Variants in BMP2K observed in about 807,000 individuals in gnomAD.
BMP2K encodes BMP2 inducible kinase, also known as BMP-2-inducible protein kinase.
A neutral mutation model predicts 116.0 loss-of-function variants in BMP2K; 74 were observed. That is an observed-to-expected ratio of 0.64 (90% CI 0.53 to 0.77). The LOEUF is 0.77. BMP2K is among the 30% of genes least tolerant of loss of function. The pLI, the probability that BMP2K is intolerant of heterozygous loss-of-function variation, is 0.00. For missense variants in BMP2K, 1,365 were observed against 1,403.6 expected, an observed-to-expected ratio of 0.97 and a Z score of 0.44; for synonymous variants, 486 against 502.5, an observed-to-expected ratio of 0.97 and a Z score of 0.44.
intron 1 of BMP2K, among the ~76,000 whole-genome samples, chr4:78,805,895 C>T (rs542960557): frequency 2.9e-4 from 44 of 152,206 alleles, no homozygotes; most frequent in African/African-American, 8.9e-4. Context: ...CACTTGAATC[C>T]GGGAGGCGGA....
intron 3 of BMP2K, 88 bp downstream of exon 3, chr4:78,833,775 T>C: frequency 2.5e-6 from 2 of 789,944 alleles, no homozygotes; most frequent in Non-Finnish European, 4.2e-6. Context: ...GGGTAGCTGC[T>C]AACTAATTCT....
intron 14 of BMP2K, among the ~76,000 whole-genome samples, chr4:78,884,234 G>A (rs1732978620): frequency 6.6e-6 from 1 of 152,108 alleles, no homozygotes; most frequent in Admixed American, 6.6e-5. Context: ...GGCTGAGATT[G>A]GAGGATCGCT....
At chr4:78,827,760 AAAAACAAAAC>A (rs536489013) in intron 2 of BMP2K, among the ~76,000 whole-genome samples, 44 of 151,548 alleles carry the variant, frequency 2.9e-4, no homozygotes, top group African/African-American at 1.1e-3. Flanking sequence ...CCATTACTGT[AAAAACAAAAC>A]AAAACAAAAC....
chr4:78,829,402 G>GTT (rs79345386), intron 2 of BMP2K, among the ~76,000 whole-genome samples: 5 of 133,844 alleles, frequency 3.7e-5, no homozygotes, highest in Non-Finnish European at 6.7e-5. Flanking sequence ...ATAGTTTTTT[G>GTT]TTTTTTTTTT....
chr4:78,895,006 G>C (rs1233579048), intron 15 of BMP2K, among the ~76,000 whole-genome samples: 4 of 152,142 alleles, frequency 2.6e-5, no homozygotes, highest in African/African-American at 7.2e-5. Context: ...TAAGTTTGCT[G>C]TCTTATATGG....
intron 1 of BMP2K, among the ~76,000 whole-genome samples, chr4:78,817,374 T>C (rs1729401421): frequency 6.6e-6 from 1 of 152,176 alleles, no homozygotes; most frequent in African/African-American, 2.4e-5. Context: ...CTTAATTGAC[T>C]ACAAATTTGG....
At position 78,912,122 on chromosome 4, in the gene BMP2K, A is replaced by G; in HGVS notation, c.*89A>G. On this transcript the variant is annotated 3_prime_UTR_variant, in exon 16 of 16. Coordinates refer to ENST00000502613, the MANE Select transcript of BMP2K (RefSeq NM_198892.2). ...TTGAAAGAAAATTTGGTAGCTCTTT[A>G]TAGCATTCATTCTTAAAGATCAGTC... is the stretch of plus-strand genomic sequence containing the variant. 2 of 1,162,856 alleles carry G rather than the reference A, an allele frequency of 1.7e-6. No individual in the cohort carries two copies. Among genetic ancestry groups the G allele is most frequent in the Non-Finnish European group, 1.2e-6 (1 of 809,436 alleles). 72.0% of individuals were successfully genotyped at this position (1,162,856 alleles called of 1,614,324 possible).
chr4:78,809,440 T>G (rs1315165639), intron 1 of BMP2K, among the ~76,000 whole-genome samples: 1 of 152,054 alleles, frequency 6.6e-6, no homozygotes, highest in Non-Finnish European at 1.5e-5. Context: ...TGCAGTGATA[T>G]GACCTTGGCT....
intron 1 of BMP2K, among the ~76,000 whole-genome samples, chr4:78,819,513 T>C (rs1729515402): frequency 6.6e-6 from 1 of 152,232 alleles, no homozygotes; most frequent in Non-Finnish European, 1.5e-5. Context: ...GCTGAAAGTA[T>C]AAGGAAACTG....
At chr4:78,834,775 A>G (rs542334605) in intron 3 of BMP2K, among the ~76,000 whole-genome samples, 64 of 152,288 alleles carry the variant, frequency 4.2e-4, no homozygotes, top group African/African-American at 1.5e-3. Context: ...AGAAAATATG[A>G]TCTTGTTTAC....
intron 1 of BMP2K, among the ~76,000 whole-genome samples, chr4:78,785,064 A>T (rs1370989082): frequency 6.6e-6 from 1 of 152,178 alleles, no homozygotes; most frequent in African/African-American, 2.4e-5. Flanking sequence ...TCACAATGGA[A>T]TGGCAATTTA....
chr4:78,787,554 T>A (rs1727788181), intron 1 of BMP2K, among the ~76,000 whole-genome samples: 1 of 152,052 alleles, frequency 6.6e-6, no homozygotes, highest in Middle Eastern at 3.2e-3. Flanking sequence ...TTGGGGGTGG[T>A]CAGCTGTGTA....
At position 78,903,118 on chromosome 4, in the gene BMP2K, T is replaced by C. The variant is rs530031062; in HGVS notation, c.2063-7492T>C. On this transcript the variant is annotated intron_variant, in intron 15 of 15. Transcript: ENST00000502613. ...AGGTATTGTATTGTATTGTATGCCA[T>C]ACAATACCTTGCTGAATGAATTCAT... 2.0e-5 allele frequency among the ~76,000 whole-genome samples: 3 copies of C among 152,090 alleles called. No homozygotes were observed. In the East Asian group the frequency reaches 5.8e-4, roughly 29 times the overall value.
chr4:78,870,043 A>G (rs1732255597), intron 10 of BMP2K, among the ~76,000 whole-genome samples: 1 of 152,210 alleles, frequency 6.6e-6, no homozygotes, highest in South Asian at 2.1e-4. Context: ...AGGAGAATAT[A>G]GAAATTATGG....
Position 78,865,590 on chromosome 4 carries a change from A to C in BMP2K, c.1101A>C (p.Ser367=). The change falls in exon 10 of 16, where the codon TCA becomes TCC. Residue 367 remains serine (S), a synonymous_variant. Transcript: ENST00000502613. ...ATACCATTGGACCAACAGAAACCTC[A>C]ATTGCACCAAGACAAAGACCAAAGG... is the stretch of plus-strand genomic sequence containing the variant. ...ITDTIGPTET[S]IAPRQRPKAN... is the part of the protein sequence containing the mutation. 6.2e-7 allele frequency: 1 copy of C among 1,614,080 alleles called. No individual in the cohort carries two copies. Among genetic ancestry groups the C allele is most frequent in the Non-Finnish European group, 8.5e-7 (1 of 1,179,962 alleles).
At chr4:78,892,826 CTT>C (rs1227141079) in intron 15 of BMP2K, among the ~76,000 whole-genome samples, 1 of 152,102 alleles carries the variant, frequency 6.6e-6, no homozygotes, top group Non-Finnish European at 1.5e-5. Flanking sequence ...TTAAAAATAA[CTT>C]ATTGATAAAA....
At chr4:78,785,861 G>A (rs1243873252) in intron 1 of BMP2K, among the ~76,000 whole-genome samples, 2 of 152,046 alleles carry the variant, frequency 1.3e-5, no homozygotes, top group African/African-American at 2.4e-5. Flanking sequence ...ACCAATTCTT[G>A]TATTCCTTCC....
intron 15 of BMP2K, among the ~76,000 whole-genome samples, chr4:78,905,099 G>T (rs1051834766): frequency 3.3e-5 from 5 of 151,164 alleles, no homozygotes; most frequent in African/African-American, 7.3e-5. Flanking sequence ...CTAATCTATT[G>T]GTTCATTCTT....
intron 7 of BMP2K, among the ~76,000 whole-genome samples, chr4:78,856,135 A>G (rs567313944): frequency 2.6e-5 from 4 of 152,174 alleles, no homozygotes; most frequent in Non-Finnish European, 5.9e-5. Flanking sequence ...AATTATTTGC[A>G]GGAGAAAATG....
Sources: gnomAD v4.1 joint callset for allele counts (sites outside exome capture counted in the v4.1 genomes callset) on GRCh38, gnomAD v4.1.1 for gene constraint, MANE v1.5 for transcripts, NCBI Gene and HGNC (gene_info 2026-07-23, HGNC 2026-07-21) for gene names.